Variants in CORIN observed in about 807,000 individuals in gnomAD.
CORIN encodes corin, serine peptidase, also known as atrial natriuretic peptide-converting enzyme.
A neutral mutation model predicts 125.3 loss-of-function variants in CORIN; 117 were observed. That is an observed-to-expected ratio of 0.93 (90% CI 0.80 to 1.09). The LOEUF (loss-of-function observed/expected upper bound fraction) is 1.09, where lower values mean the gene tolerates loss of function less well. Among genes scored for constraint, CORIN ranks in the 50% least tolerant of loss-of-function variants. The probability of loss-of-function intolerance (pLI) is 0.00; values close to 1 mark genes in which losing one functional copy is unlikely to be tolerated. For synonymous variants in CORIN, 450 were observed against 466.4 expected (o/e 0.96, Z 0.45); for missense variants, 1,253 against 1,306.7 (o/e 0.96, Z 0.63).
intron 5 of CORIN, among the ~76,000 whole-genome samples, chr4:47,710,977 G>C (rs1726813451): frequency 6.6e-6 from 1 of 152,238 alleles, no homozygotes; most frequent in Non-Finnish European, 1.5e-5. Context: ...CCTTCTGAGA[G>C]TAGGGTCCTG....
intron 19 of CORIN, among the ~76,000 whole-genome samples, chr4:47,617,230 C>A (rs1393264077): frequency 6.6e-6 from 1 of 152,154 alleles, no homozygotes; most frequent in Admixed American, 6.5e-5. Flanking sequence ...GTTAGATGCT[C>A]ATTTGGGGTT....
At chr4:47,676,396 G>A (rs1345809598) in intron 9 of CORIN, among the ~76,000 whole-genome samples, 1 of 152,064 alleles carries the variant, frequency 6.6e-6, no homozygotes. Flanking sequence ...TCATCCTTCA[G>A]GTCTGAGCTC....
intron 3 of CORIN, among the ~76,000 whole-genome samples, chr4:47,785,135 T>C (rs1159110330): frequency 6.6e-6 from 1 of 152,234 alleles, no homozygotes; most frequent in Non-Finnish European, 1.5e-5. Flanking sequence ...GGATGGGCTT[T>C]GTGTAATTTT....
chr4:47,699,401 C>T (rs1012263360), intron 5 of CORIN, among the ~76,000 whole-genome samples: 1 of 152,138 alleles, frequency 6.6e-6, no homozygotes, highest in Non-Finnish European at 1.5e-5. Flanking sequence ...GTGCCCAAGA[C>T]CATCAAAATT....
At chr4:47,787,741 A>ATG (rs1730885279) in intron 2 of CORIN, among the ~76,000 whole-genome samples, 1 of 152,238 alleles carries the variant, frequency 6.6e-6, no homozygotes, top group African/African-American at 2.4e-5. Flanking sequence ...GGCACATGCC[A>ATG]TGAGCAGTAT....
chr4:47,827,402 C>G (rs2109984250), intron 1 of CORIN, among the ~76,000 whole-genome samples: 1 of 152,216 alleles, frequency 6.6e-6, no homozygotes, highest in Non-Finnish European at 1.5e-5. Flanking sequence ...TCATTACAGC[C>G]TTGTAAGAGA....
At chr4:47,727,315 A>C (rs1727633731) in intron 5 of CORIN, among the ~76,000 whole-genome samples, 1 of 152,186 alleles carries the variant, frequency 6.6e-6, no homozygotes, top group East Asian at 1.9e-4. Context: ...AGAAGAAAAA[A>C]GTAGGAACAC....
At chr4:47,773,658 G>C (rs1051153121) in intron 3 of CORIN, among the ~76,000 whole-genome samples, 1 of 152,016 alleles carries the variant, frequency 6.6e-6, no homozygotes, top group Non-Finnish European at 1.5e-5. Context: ...GTAAGGAAAG[G>C]CATGTTCTAC....
intron 2 of CORIN, among the ~76,000 whole-genome samples, chr4:47,800,600 G>A (rs948331188): frequency 6.6e-6 from 1 of 152,152 alleles, no homozygotes; most frequent in Admixed American, 6.5e-5. Context: ...GGAGAAGCAG[G>A]CCAGGTCTGG....
At chr4:47,768,474 AC>A (rs1241195797) in intron 3 of CORIN, among the ~76,000 whole-genome samples, 4 of 152,254 alleles carry the variant, frequency 2.6e-5, no homozygotes, top group African/African-American at 9.6e-5. Flanking sequence ...AACACATTTT[AC>A]AAAGCCAGCA....
In CORIN at chr4:47,670,664, G is replaced by A. The variant is rs1264852167; in HGVS notation, c.1357+3729C>T. 2.0e-5 allele frequency among the ~76,000 whole-genome samples: 3 copies of A among 152,172 alleles called. No homozygotes were observed. In the East Asian group the frequency reaches 5.8e-4, roughly 29 times the overall value. ...AGCCATGCCTGGATTTCACAGCCATGGTCAGCATGGGCACAGGGAGGCAGG... is the reference window on the plus strand; with the variant it reads ...AGCCATGCCTGGATTTCACAGCCATAGTCAGCATGGGCACAGGGAGGCAGG... On this transcript the variant is annotated intron_variant, in intron 10 of 21. Transcript: ENST00000273857.
chr4:47,661,163 A>G (rs1030294700), intron 12 of CORIN, among the ~76,000 whole-genome samples: 1 of 152,202 alleles, frequency 6.6e-6, no homozygotes, highest in Non-Finnish European at 1.5e-5. Flanking sequence ...AAGTAGACCA[A>G]TGGTTGCCAG....
chr4:47,728,511 A>T (rs148999277), intron 5 of CORIN, among the ~76,000 whole-genome samples: 1 of 152,356 alleles, frequency 6.6e-6, no homozygotes, highest in East Asian at 1.9e-4. Context: ...AGCTGAATAC[A>T]GAACTAAAAT....
At chr4:47,807,120 A>C in intron 1 of CORIN, 73 bp from the exon 2 acceptor site, 1 of 1,242,144 alleles carries the variant, frequency 8.1e-7, no homozygotes, top group South Asian at 1.4e-5. Context: ...GGTTACAGCT[A>C]TCCATTTAGA....
chr4:47,695,454 C>T (rs1039447658), intron 5 of CORIN, among the ~76,000 whole-genome samples: 1 of 152,202 alleles, frequency 6.6e-6, no homozygotes, highest in East Asian at 1.9e-4. Context: ...TAAGACCCTA[C>T]ATATTTGACT....
At chr4:47,654,537 A>G (rs1723877881) in intron 12 of CORIN, among the ~76,000 whole-genome samples, 1 of 152,130 alleles carries the variant, frequency 6.6e-6, no homozygotes, top group Non-Finnish European at 1.5e-5. Context: ...GGGACTTTGC[A>G]TTGGAACTCA....
intron 5 of CORIN, among the ~76,000 whole-genome samples, chr4:47,729,561 T>C (rs1419176345): frequency 6.6e-6 from 1 of 151,960 alleles, no homozygotes; most frequent in Non-Finnish European, 1.5e-5. Flanking sequence ...GGCCAGATAA[T>C]GTAGAGTGGG....
intron 4 of CORIN, among the ~76,000 whole-genome samples, chr4:47,755,723 C>T (rs1305264490): frequency 6.6e-6 from 1 of 152,018 alleles, no homozygotes; most frequent in Non-Finnish European, 1.5e-5. Context: ...AGCTCAGGAG[C>T]TTCAGAAGGA....
intron 14 of CORIN, among the ~76,000 whole-genome samples, chr4:47,643,721 A>C (rs1379790904): frequency 6.6e-6 from 1 of 152,084 alleles, no homozygotes; most frequent in African/African-American, 2.4e-5. Context: ...GGGTTTTAAA[A>C]ATTATAGTAA....
Sources: allele counts gnomAD v4.1 joint callset (sites outside exome capture counted in the v4.1 genomes callset), GRCh38; gene constraint gnomAD v4.1.1; transcripts MANE v1.5; gene names NCBI Gene and HGNC (gene_info 2026-07-23, HGNC 2026-07-21).